The following SLC12A1 variants were observed in gnomAD, a reference collection of about 807,000 sequenced individuals.
The protein encoded by SLC12A1 is Na-K-2Cl cotransporter.
A neutral mutation model predicts 130.4 loss-of-function variants in SLC12A1; 89 were observed. That is an observed-to-expected ratio of 0.68 (90% CI 0.58 to 0.81). SLC12A1 has a LOEUF of 0.81. Among genes scored for constraint, SLC12A1 ranks in the 40% least tolerant of loss-of-function variants. The pLI, the probability that SLC12A1 is intolerant of heterozygous loss-of-function variation, is 0.00. For synonymous variants in SLC12A1, 499 were observed against 460.0 expected, an observed-to-expected ratio of 1.08 and a Z score of -1.09; for missense variants, 1,310 against 1,336.4, an observed-to-expected ratio of 0.98 and a Z score of 0.31.
intron 20 of SLC12A1, among the ~76,000 whole-genome samples, chr15:48,282,213 T>C (rs2042015031): frequency 6.6e-6 from 1 of 152,200 alleles, no homozygotes; most frequent in Non-Finnish European, 1.5e-5. Context: ...AAATACTCTC[T>C]GTAATCTTCT....
rs534946948 is a variant in SLC12A1 at position 48,242,628 on chromosome 15, C to A, written c.1300+1029C>A. On this transcript the variant is annotated intron_variant, in intron 10 of 26. Transcript: ENST00000380993. ...GACTAGCTGGGAAAACATAGAGAGACCCCATTCCTACAAAAAATAAAAAAT... is the reference window on the plus strand; with the variant it reads ...GACTAGCTGGGAAAACATAGAGAGAACCCATTCCTACAAAAAATAAAAAAT... Among the ~76,000 whole-genome samples, 6 of 152,142 alleles carry A rather than the reference C, an allele frequency of 3.9e-5. No homozygotes were observed. In the East Asian group the frequency reaches 1.2e-3, roughly 29 times the overall value.
chr15:48,294,038 C>CAAA (rs765065568), intron 24 of SLC12A1, among the ~76,000 whole-genome samples: 11 of 110,336 alleles, frequency 1.0e-4, no homozygotes, highest in African/African-American at 3.7e-4. Context: ...GACCCTATCT[C>CAAA]AAAAAAAAAA....
At chr15:48,253,434 C>T (rs572263972) in intron 15 of SLC12A1, among the ~76,000 whole-genome samples, 1 of 152,354 alleles carries the variant, frequency 6.6e-6, no homozygotes, top group South Asian at 2.1e-4. Context: ...TAAATAGAAA[C>T]ATACACGATA....
chr15:48,212,213 A>G (rs891488673), intron 2 of SLC12A1, among the ~76,000 whole-genome samples: 1 of 152,172 alleles, frequency 6.6e-6, no homozygotes, highest in Admixed American at 6.5e-5. Flanking sequence ...AACAAATACT[A>G]AAAAATATGT....
At chr15:48,270,211 T>A (rs574526061) in intron 19 of SLC12A1, among the ~76,000 whole-genome samples, 1 of 152,262 alleles carries the variant, frequency 6.6e-6, no homozygotes, top group African/African-American at 2.4e-5. Context: ...ATATGCCAGG[T>A]GCTTCTGCTA....
intron 15 of SLC12A1, among the ~76,000 whole-genome samples, chr15:48,252,325 G>T (rs879858475): frequency 6.6e-5 from 10 of 152,168 alleles, no homozygotes; most frequent in Non-Finnish European, 1.3e-4. Flanking sequence ...AGAAACTGGG[G>T]TTCAAAGAGT....
chr15:48,239,166 T>C (rs1362995753), intron 9 of SLC12A1, among the ~76,000 whole-genome samples: 1 of 152,200 alleles, frequency 6.6e-6, no homozygotes. Flanking sequence ...CCAGACAATG[T>C]GAATATCTAA....
intron 20 of SLC12A1, among the ~76,000 whole-genome samples, chr15:48,275,462 G>A (rs754791292): frequency 6.6e-6 from 1 of 152,100 alleles, no homozygotes; most frequent in Non-Finnish European, 1.5e-5. Context: ...TCAATTATTA[G>A]CATTATAATA....
At chr15:48,284,548 T>C (rs1597453707) in intron 20 of SLC12A1, among the ~76,000 whole-genome samples, 1 of 152,250 alleles carries the variant, frequency 6.6e-6, no homozygotes, top group African/African-American at 2.4e-5. Flanking sequence ...ATAAAAATGC[T>C]GTAACTTCAT....
chr15:48,209,898 G>A (rs372610333), intron 2 of SLC12A1, among the ~76,000 whole-genome samples: 13 of 152,278 alleles, frequency 8.5e-5, no homozygotes, highest in African/African-American at 3.1e-4. Flanking sequence ...GCAACAGTCT[G>A]CCAAATGGCT....
intron 9 of SLC12A1, among the ~76,000 whole-genome samples, chr15:48,238,034 TG>T (rs1351764158): frequency 6.6e-6 from 1 of 152,058 alleles, no homozygotes; most frequent in Non-Finnish European, 1.5e-5. Flanking sequence ...GAAAAAAAAA[TG>T]TTTTTTACTA....
intron 23 of SLC12A1, among the ~76,000 whole-genome samples, chr15:48,289,448 CTGTATAA>C (rs200116647): frequency 0.03 from 3,961 of 130,776 alleles, 98 homozygotes; most frequent in African/African-American, 0.068. Context: ...CTATGTATAA[CTGTATAA>C]TGTATAATGT....
chr15:48,246,592 C>T (rs374743258), intron 11 of SLC12A1, among the ~76,000 whole-genome samples: 56 of 152,190 alleles, frequency 3.7e-4, no homozygotes, highest in African/African-American at 1.3e-3. Context: ...ACCAGCCTGG[C>T]CAACATGGTG....
At chr15:48,225,622 T>C (rs765327897) in intron 4 of SLC12A1, 1 of 152,170 alleles carries the variant, frequency 6.6e-6, no homozygotes, top group Non-Finnish European at 1.5e-5. Flanking sequence ...AGTGGCTTTG[T>C]TTTGTACAAC....
intron 24 of SLC12A1, 87 bp downstream of exon 24, chr15:48,291,951 T>C (rs2042126168): frequency 2.3e-6 from 2 of 868,536 alleles, no homozygotes; most frequent in African/African-American, 1.7e-5. Context: ...AAAAATGTTA[T>C]GTATTTACTG....
chr15:48,255,796 C>T lies in SLC12A1; in HGVS notation c.1943-15C>T, dbSNP rs559093660. 1.4e-5 allele frequency: 22 copies of T among 1,540,986 alleles called. No homozygotes were observed. The South Asian group carries it at 2.2e-4, about 16-fold the overall frequency. On this transcript the variant is annotated splice_polypyrimidine_tract_variant and intron_variant, in intron 15 of 26. Transcript: ENST00000380993. Reference sequence around the variant, plus strand: ...GGTCAGTGTTTTTTATGCCAATTTCCTCCTTTATCCACAGATGTGAACTGG... The same window carrying T: ...GGTCAGTGTTTTTTATGCCAATTTCTTCCTTTATCCACAGATGTGAACTGG...
chr15:48,301,229 T>G, intron 25 of SLC12A1, 86 bp from the exon 26 acceptor site: 1 of 914,598 alleles, frequency 1.1e-6, no homozygotes, highest in South Asian at 1.4e-5. Flanking sequence ...AGATGAGATT[T>G]TCTGCTTGTT....
At chr15:48,266,070 A>C (rs781759747) in intron 17 of SLC12A1, among the ~76,000 whole-genome samples, 1 of 152,214 alleles carries the variant, frequency 6.6e-6, no homozygotes, top group Non-Finnish European at 1.5e-5. Context: ...GCCACATTTC[A>C]AATGTTCAAT....
At chr15:48,240,507 C>A (rs187209955) in intron 9 of SLC12A1, among the ~76,000 whole-genome samples, 8 of 152,300 alleles carry the variant, frequency 5.3e-5, no homozygotes, top group Non-Finnish European at 5.9e-5. Context: ...GACTTCCAGT[C>A]ATCAAGTTGA....
Sources: gnomAD v4.1 joint callset for allele counts (sites outside exome capture counted in the v4.1 genomes callset) on GRCh38, gnomAD v4.1.1 for gene constraint, MANE v1.5 for transcripts, NCBI Gene and HGNC (gene_info 2026-07-23, HGNC 2026-07-21) for gene names.